PDZRN4: variants seen among roughly 807,000 people sequenced by gnomAD.
PDZRN4 encodes PDZ domain containing ring finger 4, also known as PDZ domain-containing RING finger protein 4.
Under a neutral mutation model 99.0 loss-of-function variants are expected in PDZRN4, and 70 were observed. The ratio of observed to expected loss-of-function variants is 0.71; its 90% confidence interval spans 0.58 to 0.86. The LOEUF (loss-of-function observed/expected upper bound fraction) is 0.86. Ranked by LOEUF, PDZRN4 falls within the 40% of genes least tolerant of loss-of-function variation. The pLI is 0.00. For missense variants in PDZRN4, 1,474 were observed against 1,331.2 expected, an observed-to-expected ratio of 1.11 and a Z score of -1.67; for synonymous variants, 551 against 501.6, an observed-to-expected ratio of 1.10 and a Z score of -1.32.
chr12:41,219,470 A>G (rs1303701501), intron 3 of PDZRN4, among the ~76,000 whole-genome samples: 1 of 152,186 alleles, frequency 6.6e-6, no homozygotes, highest in African/African-American at 2.4e-5. Context: ...ATAATGCTCT[A>G]GAAGTTGAAA....
intron 3 of PDZRN4, among the ~76,000 whole-genome samples, chr12:41,381,754 T>C (rs1311774049): frequency 6.6e-6 from 1 of 152,188 alleles, no homozygotes. Flanking sequence ...GGGTCAGTTA[T>C]TGTAGCTTTA....
At position 41,301,116 on chromosome 12, in the gene PDZRN4, G is replaced by A. The variant is rs535742181; in HGVS notation, c.843+106928G>A. Among the ~76,000 whole-genome samples the A allele has an allele frequency of 2.0e-5, 3 of 151,966 alleles. No individual in the cohort carries two copies. In the East Asian group the frequency reaches 5.8e-4, roughly 29 times the overall value. On this transcript the variant is annotated intron_variant, in intron 3 of 9. Coordinates refer to ENST00000402685, the MANE Select transcript of PDZRN4 (RefSeq NM_001164595.2). ...GTTATTAGCTTATAGATGATTGCTG[G>A]GAAATATCCCCAAACTCATACACTC...
intron 3 of PDZRN4, among the ~76,000 whole-genome samples, chr12:41,494,077 T>C (rs952508509): frequency 2.0e-5 from 3 of 151,880 alleles, no homozygotes; most frequent in African/African-American, 7.3e-5. Context: ...TGGAGTTTCC[T>C]TGTCCTGGGA....
intron 3 of PDZRN4, among the ~76,000 whole-genome samples, chr12:41,476,986 G>A (rs765878251): frequency 6.6e-6 from 1 of 152,198 alleles, no homozygotes; most frequent in Non-Finnish European, 1.5e-5. Context: ...GCTATTTAGT[G>A]AAGATCTGAA....
chr12:41,397,839 TTACA>T (rs778632083), intron 3 of PDZRN4, among the ~76,000 whole-genome samples: 10 of 152,136 alleles, frequency 6.6e-5, no homozygotes, highest in Non-Finnish European at 1.3e-4. Flanking sequence ...TTTTTCTCTA[TTACA>T]TGACTATATG....
At chr12:41,251,995 A>G (rs190876298) in intron 3 of PDZRN4, among the ~76,000 whole-genome samples, 73 of 152,252 alleles carry the variant, frequency 4.8e-4, no homozygotes, top group African/African-American at 1.6e-3. Context: ...ATGTGCCTGT[A>G]GTCCCAGCTA....
intron 3 of PDZRN4, among the ~76,000 whole-genome samples, chr12:41,280,110 G>A (rs1398463682): frequency 2.6e-5 from 4 of 152,200 alleles, no homozygotes; most frequent in Admixed American, 2.0e-4. Context: ...AAGCACAAGG[G>A]GTCAGAAAAA....
chr12:41,442,982 A>C (rs187049210), intron 3 of PDZRN4, among the ~76,000 whole-genome samples: 1 of 152,160 alleles, frequency 6.6e-6, no homozygotes, highest in East Asian at 1.9e-4. Context: ...TTAAAATCAG[A>C]ATAACAAGTG....
intron 5 of PDZRN4, among the ~76,000 whole-genome samples, chr12:41,545,743 G>A (rs548759040): frequency 2.0e-5 from 3 of 152,104 alleles, no homozygotes; most frequent in East Asian, 1.9e-4. Context: ...GTCTTTCTAC[G>A]TACAAATGCA....
intron 3 of PDZRN4, among the ~76,000 whole-genome samples, chr12:41,250,100 CTT>C (rs1211335692): frequency 1.3e-5 from 2 of 152,116 alleles, no homozygotes; most frequent in Non-Finnish European, 2.9e-5. Context: ...CTTGTTTGCT[CTT>C]GACTTAGGTG....
At chr12:41,189,156 G>T in intron 1 of PDZRN4, 53 bp downstream of exon 1, 1 of 1,523,470 alleles carries the variant, frequency 6.6e-7, no homozygotes, top group South Asian at 1.2e-5. Context: ...GTGGGAAAAG[G>T]AGCGGTTCTT....
intron 3 of PDZRN4, among the ~76,000 whole-genome samples, chr12:41,472,973 G>A (rs1221978666): frequency 6.6e-6 from 1 of 152,182 alleles, no homozygotes; most frequent in Non-Finnish European, 1.5e-5. Context: ...AGCTAACTAA[G>A]CATGCCATTA....
intron 3 of PDZRN4, among the ~76,000 whole-genome samples, chr12:41,434,434 C>A (rs140705649): frequency 6.6e-6 from 1 of 152,032 alleles, no homozygotes. Flanking sequence ...GTACTTAGAT[C>A]CTTGAATGAA....
rs555772172 is a variant in PDZRN4 at position 41,377,600 on chromosome 12, C to A, written c.844-128856C>A. 3.4e-4 allele frequency among the ~76,000 whole-genome samples: 52 copies of A among 152,026 alleles called. No individual in the cohort carries two copies. In the Middle Eastern group the frequency reaches 0.014, roughly 40 times the overall value. ...AATGGTGTGAACCCAGGAGGCGGAG[C>A]TTGCAGCGAGCTGAGATCATGCCAC... On this transcript the variant is annotated intron_variant, in intron 3 of 9. Coordinates refer to ENST00000402685, the MANE Select transcript of PDZRN4 (RefSeq NM_001164595.2).
intron 3 of PDZRN4, among the ~76,000 whole-genome samples, chr12:41,374,031 C>A (rs995677931): frequency 5.9e-5 from 9 of 152,094 alleles, no homozygotes; most frequent in East Asian, 1.9e-4. Context: ...CAAGCAAGTT[C>A]CCCAGACAGA....
chr12:41,536,212 A>G (rs79596315), intron 5 of PDZRN4, among the ~76,000 whole-genome samples: 1,617 of 152,328 alleles, frequency 0.011, 21 homozygotes, highest in African/African-American at 0.037. Flanking sequence ...GAATAGATAA[A>G]TGCACTAGGT....
intron 1 of PDZRN4, 102 bp downstream of exon 1, chr12:41,189,205 C>T (rs1229814728): frequency 9.2e-7 from 1 of 1,082,628 alleles, no homozygotes; most frequent in African/African-American, 1.6e-5. Flanking sequence ...GGGCATCCTT[C>T]CTCACTATGC....
intron 3 of PDZRN4, among the ~76,000 whole-genome samples, chr12:41,311,010 C>T (rs1368035290): frequency 6.6e-6 from 1 of 152,028 alleles, no homozygotes; most frequent in Non-Finnish European, 1.5e-5. Context: ...GCATTTACTT[C>T]AGCACAGATA....
intron 3 of PDZRN4, among the ~76,000 whole-genome samples, chr12:41,204,591 G>A (rs1950836092): frequency 6.6e-6 from 1 of 151,986 alleles, no homozygotes. Context: ...CAAGGCAGCA[G>A]GAGGGAGAAT....
Sources: gnomAD v4.1 joint callset for allele counts (sites outside exome capture counted in the v4.1 genomes callset) on GRCh38, gnomAD v4.1.1 for gene constraint, MANE v1.5 for transcripts, NCBI Gene and HGNC (gene_info 2026-07-23, HGNC 2026-07-21) for gene names.